IER3IP1: variants seen among roughly 807,000 people sequenced by gnomAD.
IER3IP1 encodes immediate early response 3 interacting protein 1, also known as immediate early response 3-interacting protein 1.
Under a neutral mutation model 12.2 loss-of-function variants are expected in IER3IP1, and 16 were observed. The ratio of observed to expected loss-of-function variants is 1.31; its 90% CI spans 0.89 to 1.99. The LOEUF (loss-of-function observed/expected upper bound fraction) is 1.99. Ranked by LOEUF, IER3IP1 falls within the 30% of genes most tolerant of loss-of-function variation. The pLI, the probability that IER3IP1 is intolerant of heterozygous loss-of-function variation, is 0.00. For synonymous variants in IER3IP1, 42 were observed against 40.0 expected, an observed-to-expected ratio of 1.05 and a Z score of -0.19; for missense variants, 95 against 95.8, an observed-to-expected ratio of 0.99 and a Z score of 0.03.
intron 1 of IER3IP1, among the ~76,000 whole-genome samples, chr18:47,165,552 CAAA>C (rs34723400): frequency 3.3e-5 from 4 of 122,200 alleles, no homozygotes; most frequent in African/African-American, 3.1e-5. Context: ...GACTCTGTCT[CAAA>C]AAAAAAAAAA....
chr18:47,157,259 A>G, intron 2 of IER3IP1, 177 bp downstream of exon 2: 1 of 618,562 alleles, frequency 1.6e-6, no homozygotes, highest in East Asian at 2.7e-5. Context: ...AGATAGAAGT[A>G]AGAAGCAAAC....
Position 47,156,215 on chromosome 18 carries a change from T to C in IER3IP1, c.211A>G (p.Asn71Asp). 6.4e-7 allele frequency: 1 copy of C among 1,569,414 alleles called. No individual in the cohort carries two copies. The highest frequency in any genetic ancestry group is 8.8e-7 in the Non-Finnish European group (1 of 1,140,604). Reference protein sequence around the residue: ...TVMRVPLIIVNSIAIVLLLLF... With the variant: ...TVMRVPLIIVDSIAIVLLLLF... ...AAAAGTAACACAATTGCAATTGAGT[T>C]TACTATTATCAATGGCACTGTAAAG... is the stretch of plus-strand genomic sequence containing the variant. The change falls in exon 3 of 3, where the codon AAC becomes GAC. Residue 71 changes from asparagine (N) to aspartate (D), a missense_variant. Transcript: ENST00000256433.
rs2063950656 is a variant in IER3IP1 at position 47,154,237 on chromosome 18, A to G, written c.*1940T>C. On this transcript the variant is annotated 3_prime_UTR_variant, in exon 3 of 3. Transcript: ENST00000256433. ...AATAACACACTCTGTTTACTGAATC[A>G]CAACTGCTCTGGGGAAACCAGGGCT... 6.6e-6 allele frequency: 1 copy of G among 152,208 alleles called. No homozygotes were observed. Among genetic ancestry groups the G allele is most frequent in the African/African-American group, 2.4e-5 (1 of 41,464 alleles). 9.4% of individuals were successfully genotyped at this position (152,208 alleles called of 1,614,324 possible). A position where few individuals can be genotyped will look rare whatever the true frequency, so the allele number is the denominator to read the frequency against.
chr18:47,157,362 T>A, intron 2 of IER3IP1, 74 bp downstream of exon 2: 1 of 1,245,534 alleles, frequency 8.0e-7, no homozygotes, highest in Admixed American at 1.7e-5. Flanking sequence ...ATATATGGTA[T>A]TCACACTCAG....
intron 1 of IER3IP1, among the ~76,000 whole-genome samples, 193 bp downstream of exon 1, chr18:47,175,994 G>A (rs529842649): frequency 1.4e-4 from 22 of 152,260 alleles, no homozygotes; most frequent in African/African-American, 3.9e-4. Flanking sequence ...CCTGCACAGC[G>A]GGTGTCTGTT....
In IER3IP1 at chr18:47,172,147, T is replaced by G. The variant is rs562430714; in HGVS notation, c.91+4040A>C. 9.9e-5 allele frequency among the ~76,000 whole-genome samples: 15 copies of G among 152,170 alleles called. No homozygotes were observed. In the South Asian group the frequency reaches 1.0e-3, roughly 11 times the overall value. ...CCTCACTGATCATCCCCTCCTCCAC[T>G]CTCTTCATAGTGCTGACTTGTTGAA... On this transcript the variant is annotated intron_variant, in intron 1 of 2. Coordinates refer to ENST00000256433, the MANE Select transcript of IER3IP1 (RefSeq NM_016097.5). The surrounding 1 kb of genome is among the most constrained non-coding windows in gnomAD (Gnocchi z 4.0).
intron 1 of IER3IP1, among the ~76,000 whole-genome samples, chr18:47,166,103 A>G (rs1023986913): frequency 6.7e-6 from 1 of 150,098 alleles, no homozygotes; most frequent in Admixed American, 6.7e-5. Context: ...ATTATGTGGC[A>G]TTTTTTTTTT....
chr18:47,176,261 T>G lies in IER3IP1; in HGVS notation c.17A>C (p.Tyr6Ser). 1 of 1,609,340 alleles carries G rather than the reference T, an allele frequency of 6.2e-7. No homozygotes were observed. Among genetic ancestry groups the G allele is most frequent in the Non-Finnish European group, 8.5e-7 (1 of 1,177,992 alleles). The change falls in exon 1 of 3, where the codon TAC becomes TCC. Residue 6 changes from tyrosine to serine, a missense_variant. Tyr to Ser is a moderately radical substitution (Grantham distance 144). Transcript: ENST00000256433. ...GAGCAGGGCTGCCTGCAGCAGTGAG[T>G]ACAGGGTAAAGGCCATGGCCGTCCG... The part of the protein sequence containing the change: MAFTL[Y>S]SLLQAALLCV...
At position 47,153,013 on chromosome 18, in the gene IER3IP1, T is replaced by A. The variant is rs960366759; in HGVS notation, c.*3164A>T. ...CAAAAACTACTGAGGTCTTAGGAAGTTTATTTGCTTTCAGTCACATGGTAA... is the reference window on the plus strand; with the variant it reads ...CAAAAACTACTGAGGTCTTAGGAAGATTATTTGCTTTCAGTCACATGGTAA... On this transcript the variant is annotated 3_prime_UTR_variant, in exon 3 of 3. Transcript: ENST00000256433. 6.6e-6 allele frequency: 1 copy of A among 152,206 alleles called. No homozygotes were observed. Among genetic ancestry groups the A allele is most frequent in the Non-Finnish European group, 1.5e-5 (1 of 68,032 alleles). The allele number at this position is 152,206 out of a possible 1,614,324, so 9.4% of individuals were successfully genotyped here.
intron 1 of IER3IP1, among the ~76,000 whole-genome samples, chr18:47,169,516 A>G (rs1248097599): frequency 2.6e-5 from 4 of 152,172 alleles, no homozygotes; most frequent in Non-Finnish European, 4.4e-5. Context: ...ACCATTTTAC[A>G]TTCTCTTTAA....
In IER3IP1 at chr18:47,176,252, A is replaced by G. The variant is rs964473449; in HGVS notation, c.26T>C (p.Leu9Pro). The G allele has an allele frequency of 1.9e-6, 3 of 1,609,496 alleles. No homozygotes were observed. The highest frequency in any genetic ancestry group is 1.3e-5 in the African/African-American group (1 of 74,920). The change falls in exon 1 of 3, where the codon CTG becomes CCG. Residue 9 changes from leucine to proline, a missense_variant. Transcript: ENST00000256433. ...GTTGACGCAGAGCAGGGCTGCCTGC[A>G]GCAGTGAGTACAGGGTAAAGGCCAT... Reference protein sequence around the residue: MAFTLYSLLQAALLCVNAI... With the variant: MAFTLYSLPQAALLCVNAI...
rs565705439 is a variant in IER3IP1 at position 47,173,797 on chromosome 18, G to A, written c.91+2390C>T. 1.8e-4 allele frequency among the ~76,000 whole-genome samples: 28 copies of A among 152,264 alleles called. No individual in the cohort carries two copies. In the South Asian group the frequency reaches 5.8e-3, roughly 32 times the overall value. On this transcript the variant is annotated intron_variant, in intron 1 of 2. Coordinates refer to ENST00000256433, the MANE Select transcript of IER3IP1 (RefSeq NM_016097.5). ...TTGGTTCCTTCTGGGGGGCTCTGAG[G>A]GATAATCTCATCCATGCCTCTCTCT...
At chr18:47,160,233 T>A (rs1257922065) in intron 1 of IER3IP1, among the ~76,000 whole-genome samples, 1 of 152,138 alleles carries the variant, frequency 6.6e-6, no homozygotes, top group East Asian at 1.9e-4. Flanking sequence ...GTGCCATGCT[T>A]CTGTGTTGTT....
chr18:47,157,597 C>T, intron 1 of IER3IP1, 60 bp from the exon 2 acceptor site: 3 of 1,432,568 alleles, frequency 2.1e-6, no homozygotes, highest in Non-Finnish European at 3.0e-6. Flanking sequence ...TCCTCCCTGT[C>T]ATCTTCTAAA....
intron 1 of IER3IP1, among the ~76,000 whole-genome samples, chr18:47,163,040 A>G (rs1438259938): frequency 2.6e-5 from 4 of 152,158 alleles, no homozygotes; most frequent in Non-Finnish European, 5.9e-5. Flanking sequence ...ATATACTCCA[A>G]GATCCCCAGG....
chr18:47,174,832 T>C (rs1378098267), intron 1 of IER3IP1, among the ~76,000 whole-genome samples: 2 of 152,156 alleles, frequency 1.3e-5, no homozygotes, highest in Non-Finnish European at 2.9e-5. Flanking sequence ...TCTACACTGC[T>C]TAAAGCTCTC....
chr18:47,153,492 C>A lies in IER3IP1; in HGVS notation c.*2685G>T, dbSNP rs1446484588. 1 of 151,050 alleles carries A rather than the reference C, an allele frequency of 6.6e-6. No homozygotes were observed. The highest frequency in any genetic ancestry group is 1.5e-5 in the Non-Finnish European group (1 of 67,906). The allele number at this position is 151,050 out of a possible 1,614,324, so 9.4% of individuals were successfully genotyped here. ...CACGGGGGTTTGGCACAGATTATTT[C>A]GTTATCCAGGTGCTAAGCCTAGTAC... On this transcript the variant is annotated 3_prime_UTR_variant, in exon 3 of 3. Transcript: ENST00000256433.
intron 1 of IER3IP1, among the ~76,000 whole-genome samples, chr18:47,173,839 C>T (rs1238663683): frequency 6.6e-6 from 1 of 152,156 alleles, no homozygotes. Context: ...CCAGTAGTTG[C>T]TGGAAATCCT....
chr18:47,163,827 T>C (rs1397429268), intron 1 of IER3IP1, among the ~76,000 whole-genome samples: 2 of 152,192 alleles, frequency 1.3e-5, no homozygotes, highest in African/African-American at 4.8e-5. Flanking sequence ...ATGAATATCC[T>C]GAGGGCTAGG....
Sources: gnomAD v4.1 joint callset for allele counts (sites outside exome capture counted in the v4.1 genomes callset) on GRCh38, gnomAD v4.1.1 for gene constraint, Gnocchi (gnomAD v3.1) non-coding constraint, MANE v1.5 for transcripts, NCBI Gene and HGNC (gene_info 2026-07-23, HGNC 2026-07-21) for gene names.